WARS1: variants seen among roughly 807,000 people sequenced by gnomAD.
WARS1 encodes tryptophan--tRNA ligase, cytoplasmic.
WARS1 carries 17 observed loss-of-function variants against 47.8 expected under a neutral mutation model. The observed-to-expected ratio is 0.36, with a 90% CI of 0.24 to 0.53. The LOEUF (loss-of-function observed/expected upper bound fraction) is 0.53. Ranked by LOEUF, WARS1 falls within the 20% of genes least tolerant of loss-of-function variation. The probability of loss-of-function intolerance (pLI) is 0.91; values close to 1 mark genes in which losing one functional copy is unlikely to be tolerated. For synonymous variants in WARS1, 208 were observed against 228.1 expected (o/e 0.91, Z 0.79); for missense variants, 434 against 608.0 (o/e 0.71, Z 3.01).
chr14:100,353,502 C>G (rs1467206922), intron 6 of WARS1, among the ~76,000 whole-genome samples, 185 bp downstream of exon 6: 1 of 152,210 alleles, frequency 6.6e-6, no homozygotes, highest in African/African-American at 2.4e-5. Context: ...CCCACCTCGG[C>G]CTCCCAAAGT....
At chr14:100,357,661 A>T (rs1895411372) in intron 4 of WARS1, among the ~76,000 whole-genome samples, 1 of 152,048 alleles carries the variant, frequency 6.6e-6, no homozygotes, top group Non-Finnish European at 1.5e-5. Flanking sequence ...TGGTTTCACC[A>T]TGTTGGTCAG....
At chr14:100,359,214 T>A (rs1012808137) in intron 4 of WARS1, among the ~76,000 whole-genome samples, 1 of 152,212 alleles carries the variant, frequency 6.6e-6, no homozygotes, top group Non-Finnish European at 1.5e-5. Flanking sequence ...AAAACTTGTA[T>A]ACAAATGGTC....
At chr14:100,368,387 C>T (rs1202120688) in intron 2 of WARS1, 1 of 455,692 alleles carries the variant, frequency 2.2e-6, no homozygotes, top group Non-Finnish European at 4.4e-6. Context: ...ACTACAACTG[C>T]AATACAGATG....
intron 6 of WARS1, among the ~76,000 whole-genome samples, chr14:100,347,619 C>T (rs1595425715): frequency 6.6e-6 from 1 of 152,186 alleles, no homozygotes; most frequent in Non-Finnish European, 1.5e-5. Flanking sequence ...CTCTGTAGCC[C>T]AGGCTGGAGT....
intron 8 of WARS1, among the ~76,000 whole-genome samples, chr14:100,342,995 G>A (rs891413420): frequency 6.6e-6 from 1 of 152,164 alleles, no homozygotes; most frequent in Non-Finnish European, 1.5e-5. Context: ...TGGGGTTCAA[G>A]CGAGGCGAGT....
intron 7 of WARS1, among the ~76,000 whole-genome samples, chr14:100,346,054 T>C (rs1383461528): frequency 6.6e-6 from 1 of 152,174 alleles, no homozygotes; most frequent in Non-Finnish European, 1.5e-5. Flanking sequence ...CTGCTATGCC[T>C]GAAGCCACGC....
chr14:100,367,608 CA>C (rs35916618), intron 2 of WARS1, among the ~76,000 whole-genome samples: 8,508 of 30,160 alleles, frequency 0.28, 129 homozygotes, highest in Non-Finnish European at 0.34. Flanking sequence ...GGTGGGGTGG[CA>C]AAAAAAAAAA....
At chr14:100,341,803 C>T (rs926018403) in intron 9 of WARS1, among the ~76,000 whole-genome samples, 5 of 152,216 alleles carry the variant, frequency 3.3e-5, no homozygotes, top group African/African-American at 1.2e-4. Context: ...TCAGTGAGAA[C>T]GCTCTCTGGG....
intron 9 of WARS1, among the ~76,000 whole-genome samples, chr14:100,338,949 C>A (rs11624738): frequency 0.69 from 104,353 of 151,066 alleles, 37,195 homozygotes; most frequent in Admixed American, 0.81. Context: ...TCTACTGAAA[C>A]TACAAAATTA....
chr14:100,351,960 TC>T (rs1387128190), intron 6 of WARS1, among the ~76,000 whole-genome samples: 4 of 149,120 alleles, frequency 2.7e-5, no homozygotes, highest in African/African-American at 9.9e-5. Flanking sequence ...GCCACTGCAC[TC>T]CAGCCTGGGT....
chr14:100,347,412 C>A (rs1273302864), intron 6 of WARS1, among the ~76,000 whole-genome samples: 1 of 152,212 alleles, frequency 6.6e-6, no homozygotes, highest in African/African-American at 2.4e-5. Context: ...AGCAACAGGG[C>A]TAGGCCACAG....
chr14:100,361,483 T>C (rs112202190), intron 3 of WARS1, among the ~76,000 whole-genome samples: 3 of 152,390 alleles, frequency 2.0e-5, no homozygotes, highest in African/African-American at 7.2e-5. Context: ...AGCTGTCTAC[T>C]ATAGATCATT....
At chr14:100,360,433 T>C in intron 4 of WARS1, 121 bp downstream of exon 4, 1 of 677,246 alleles carries the variant, frequency 1.5e-6, no homozygotes, top group East Asian at 2.6e-5. Context: ...ATCTCAGTCT[T>C]ACCACAGCTG....
At chr14:100,362,103 A>G (rs1374185420) in intron 2 of WARS1, among the ~76,000 whole-genome samples, 182 bp from the exon 3 acceptor site, 1 of 152,232 alleles carries the variant, frequency 6.6e-6, no homozygotes, top group Non-Finnish European at 1.5e-5. Flanking sequence ...TCTGAGACTC[A>G]GAGAGGTAGA....
At chr14:100,366,337 C>A (rs1224920560) in intron 2 of WARS1, among the ~76,000 whole-genome samples, 1 of 152,188 alleles carries the variant, frequency 6.6e-6, no homozygotes, top group Non-Finnish European at 1.5e-5. Flanking sequence ...GATTCCCCAA[C>A]AAAAGGGGAG....
chr14:100,353,592 A>G, intron 6 of WARS1, 95 bp downstream of exon 6: 1 of 1,447,330 alleles, frequency 6.9e-7, no homozygotes, highest in South Asian at 1.3e-5. Flanking sequence ...ACTAGGCCTT[A>G]AGACCATTTC....
intron 1 of WARS1, among the ~76,000 whole-genome samples, chr14:100,372,303 C>G (rs1445341377): frequency 6.6e-6 from 1 of 151,894 alleles, no homozygotes; most frequent in Non-Finnish European, 1.5e-5. Context: ...GAGACCCTGT[C>G]TCTCCAAAAA....
At chr14:100,344,978 C>T (rs1311902983) in intron 7 of WARS1, among the ~76,000 whole-genome samples, 4 of 151,636 alleles carry the variant, frequency 2.6e-5, no homozygotes, top group Admixed American at 6.6e-5. Context: ...CCCGGCCAGC[C>T]GCCCCGTCCG....
In WARS1 at chr14:100,335,004, C is replaced by T. The variant is rs772125168; in HGVS notation, c.1287G>A (p.Glu429=). The T allele has an allele frequency of 8.7e-6, 14 of 1,614,108 alleles. No homozygotes were observed. The South Asian group carries it at 1.5e-4, about 18-fold the overall frequency. Residue 429 remains glutamate (E), a synonymous_variant, in exon 11 of 11, where the codon GAG becomes GAA. Coordinates refer to ENST00000392882, the MANE Select transcript of WARS1 (RefSeq NM_004184.4). ...GAACCTCTATGAGTGCCTTCTTGAG[C>T]TCACCGGTGAGCATGGCTCCGCTGG... ...DYTSGAMLTG[E]LKKALIEVLQ...
Sources: allele counts gnomAD v4.1 joint callset (sites outside exome capture counted in the v4.1 genomes callset), GRCh38; gene constraint gnomAD v4.1.1; transcripts MANE v1.5; gene names NCBI Gene and HGNC (gene_info 2026-07-23, HGNC 2026-07-21).